FSTL4: variants seen among roughly 807,000 people sequenced by gnomAD.
The protein encoded by FSTL4 is follistatin-related protein 4.
Under a neutral mutation model 78.2 loss-of-function variants are expected in FSTL4, and 28 were observed. That is an observed-to-expected ratio of 0.36 (90% CI 0.27 to 0.49). The LOEUF is 0.49. FSTL4 is among the 20% of genes least tolerant of loss of function. The pLI, the probability that FSTL4 is intolerant of heterozygous loss-of-function variation, is 0.98. For missense variants in FSTL4, 922 were observed against 1,084.9 expected (o/e 0.85, Z 2.11); for synonymous variants, 422 against 440.5 (o/e 0.96, Z 0.53).
At chr5:133,660,008 G>A in the FSTL4 span, among the ~76,000 whole-genome samples, 1 of 152,118 alleles carries the variant, frequency 6.6e-6, no homozygotes, top group African/African-American at 2.4e-5. Context: ...AAAGAGTTAG[G>A]GGCTTAGAGA....
At chr5:133,518,859 G>A (rs1043380178) in intron 3 of FSTL4, among the ~76,000 whole-genome samples, 1 of 152,042 alleles carries the variant, frequency 6.6e-6, no homozygotes, top group African/African-American at 2.4e-5. Flanking sequence ...TGTAATTGGG[G>A]GAAAAATTTA....
At chr5:133,839,554 A>G in the FSTL4 span, among the ~76,000 whole-genome samples, 2 of 152,208 alleles carry the variant, frequency 1.3e-5, no homozygotes, top group Non-Finnish European at 2.9e-5. Context: ...TTTTATTAGC[A>G]GGACAGAAAT....
chr5:133,217,409 C>T, intron 12 of FSTL4, 31 bp from the exon 13 acceptor site: 1 of 1,605,764 alleles, frequency 6.2e-7, no homozygotes, highest in Non-Finnish European at 8.5e-7. Flanking sequence ...CATATATCTT[C>T]TTAATTGCCC....
At chr5:133,291,628 C>A (rs1239747861) in intron 6 of FSTL4, among the ~76,000 whole-genome samples, 1 of 152,238 alleles carries the variant, frequency 6.6e-6, no homozygotes, top group East Asian at 1.9e-4. Flanking sequence ...AGCAAATGAG[C>A]GTCTCAAGGA....
intron 4 of FSTL4, among the ~76,000 whole-genome samples, chr5:133,346,959 C>G (rs1178997083): frequency 6.6e-6 from 1 of 152,092 alleles, no homozygotes; most frequent in African/African-American, 2.4e-5. Context: ...TCATAACAAC[C>G]TGTTCTTATT....
chr5:133,632,000 G>T, the FSTL4 span, among the ~76,000 whole-genome samples: 1 of 152,122 alleles, frequency 6.6e-6, no homozygotes, highest in African/African-American at 2.4e-5. Flanking sequence ...GTCTGTTGTG[G>T]GGTGGGGGTT....
chr5:133,628,364 TTC>T, the FSTL4 span, among the ~76,000 whole-genome samples: 1 of 139,030 alleles, frequency 7.2e-6, no homozygotes, highest in African/African-American at 3.3e-5. Context: ...TTCTTTTCTT[TTC>T]TTTTTTTTTT....
chr5:133,349,297 G>C (rs4958119), intron 4 of FSTL4, among the ~76,000 whole-genome samples: 10,949 of 52,918 alleles, frequency 0.21, 396 homozygotes, highest in Non-Finnish European at 0.25. Flanking sequence ...CTCTCTCTCT[G>C]TGTGTGTGTG....
the FSTL4 span, among the ~76,000 whole-genome samples, chr5:133,670,516 C>G: frequency 6.6e-6 from 1 of 152,238 alleles, no homozygotes; most frequent in Admixed American, 6.5e-5. Context: ...GAATACTTTT[C>G]ACCCCAGAGT....
At chr5:133,482,333 A>G (rs1758043349) in intron 3 of FSTL4, among the ~76,000 whole-genome samples, 1 of 152,194 alleles carries the variant, frequency 6.6e-6, no homozygotes, top group Admixed American at 6.5e-5. Flanking sequence ...TCAATGCTGC[A>G]GAGCAACATT....
At chr5:133,280,021 C>A (rs1040474670) in intron 6 of FSTL4, among the ~76,000 whole-genome samples, 1 of 152,192 alleles carries the variant, frequency 6.6e-6, no homozygotes, top group Non-Finnish European at 1.5e-5. Context: ...GGCCTGGAGA[C>A]TTTGAAGGGA....
the FSTL4 span, among the ~76,000 whole-genome samples, chr5:133,766,559 T>C: frequency 1.3e-5 from 2 of 152,212 alleles, no homozygotes; most frequent in Non-Finnish European, 2.9e-5. Context: ...AGGACAGTTC[T>C]GAGGGGAGAC....
the FSTL4 span, among the ~76,000 whole-genome samples, chr5:133,765,798 G>A: frequency 6.6e-6 from 1 of 152,178 alleles, no homozygotes; most frequent in Non-Finnish European, 1.5e-5. Flanking sequence ...GAAAAGCAGA[G>A]ATAAGATTAT....
At chr5:133,327,004 C>T (rs1188313944) in intron 4 of FSTL4, among the ~76,000 whole-genome samples, 1 of 152,144 alleles carries the variant, frequency 6.6e-6, no homozygotes, top group Non-Finnish European at 1.5e-5. Flanking sequence ...AGCAATGAGC[C>T]AAATGCAGTC....
chr5:133,603,993 T>C lies in FSTL4; in HGVS notation c.-10A>G, dbSNP rs754985437. On this transcript the variant is annotated splice_region_variant and 5_prime_UTR_variant, in exon 2 of 16. Coordinates refer to ENST00000265342, the MANE Select transcript of FSTL4 (RefSeq NM_015082.2). ...AGCCTCCTGGTTTCATTTTGATGAG[T>C]CTGTTGAAGAAATGACAAATGCTGA... The C allele has an allele frequency of 4.2e-5, 68 of 1,604,944 alleles. No homozygotes were observed. In the East Asian group the frequency reaches 1.1e-3, roughly 25 times the overall value.
intron 3 of FSTL4, among the ~76,000 whole-genome samples, chr5:133,483,863 G>A (rs1303007001): frequency 6.6e-6 from 1 of 152,152 alleles, no homozygotes; most frequent in Non-Finnish European, 1.5e-5. Context: ...GCCTTGCCCA[G>A]CATTCTGCAC....
intron 3 of FSTL4, among the ~76,000 whole-genome samples, chr5:133,465,114 A>G (rs942224794): frequency 1.4e-4 from 21 of 152,166 alleles, no homozygotes; most frequent in Admixed American, 1.2e-3. Flanking sequence ...TATGAATGGT[A>G]ATTTGCACAT....
intron 4 of FSTL4, 79 bp downstream of exon 4, chr5:133,400,659 C>T (rs1420706433): frequency 1.6e-6 from 2 of 1,282,178 alleles, no homozygotes; most frequent in Non-Finnish European, 2.2e-6. Context: ...GTAGACTCAG[C>T]ACCCAGGTCA....
the FSTL4 span, among the ~76,000 whole-genome samples, chr5:133,809,015 T>G: frequency 6.6e-6 from 1 of 151,950 alleles, no homozygotes; most frequent in South Asian, 2.1e-4. Flanking sequence ...ACAGGTTGTG[T>G]GAACTTGAGT....
Sources: gnomAD v4.1 joint callset for allele counts (sites outside exome capture counted in the v4.1 genomes callset) on GRCh38, gnomAD v4.1.1 for gene constraint, MANE v1.5 for transcripts, NCBI Gene and HGNC (gene_info 2026-07-23, HGNC 2026-07-21) for gene names.